Variants in MTMR2 observed in about 807,000 individuals in gnomAD.
MTMR2 encodes phosphatidylinositol-3,5-bisphosphate 3-phosphatase MTMR2.
MTMR2 carries 55 observed loss-of-function variants against 86.9 expected under a neutral mutation model. The observed-to-expected ratio is 0.63, with a 90% CI of 0.51 to 0.79. MTMR2 has a LOEUF of 0.79. Ranked by LOEUF, MTMR2 falls within the 30% of genes least tolerant of loss-of-function variation. MTMR2 has a pLI of 0.00. For missense variants in MTMR2, 659 were observed against 772.3 expected, an observed-to-expected ratio of 0.85 and a Z score of 1.74; for synonymous variants, 241 against 266.8, an observed-to-expected ratio of 0.90 and a Z score of 0.94.
intron 1 of MTMR2, among the ~76,000 whole-genome samples, chr11:95,888,827 A>G (rs763555453): frequency 6.6e-6 from 1 of 152,220 alleles, no homozygotes; most frequent in Non-Finnish European, 1.5e-5. Flanking sequence ...AAGACTTCTC[A>G]GAGGAGATGA....
chr11:95,923,466 G>A (rs544954785), intron 1 of MTMR2, among the ~76,000 whole-genome samples: 9 of 152,220 alleles, frequency 5.9e-5, no homozygotes, highest in Non-Finnish European at 1.3e-4. Flanking sequence ...GACATAAGAA[G>A]GGGTGGAGGA....
intron 2 of MTMR2, among the ~76,000 whole-genome samples, chr11:95,872,423 T>C (rs1438027836): frequency 2.0e-5 from 3 of 152,232 alleles, no homozygotes; most frequent in South Asian, 2.1e-4. Context: ...TTGTCTGTTA[T>C]TGGTGTATAA....
Position 95,888,261 on chromosome 11 carries a change from A to G in MTMR2, c.81T>C (p.Ser27=). The G allele has an allele frequency of 6.2e-7, 1 of 1,609,930 alleles. No homozygotes were observed. The highest frequency in any genetic ancestry group is 8.5e-7 in the Non-Finnish European group (1 of 1,176,616). ...ARPPSVDSLS[S]ASTSHSENSV... is the part of the protein sequence containing the mutation. ...AATTCTCTGAATGAGAAGTGGAGGC[A>G]CTACAAAATACAAAAGTACAGTATG... Residue 27 remains serine, a splice_region_variant and synonymous_variant, in exon 2 of 15, where the codon AGT becomes AGC. Transcript: ENST00000346299.
intron 2 of MTMR2, among the ~76,000 whole-genome samples, chr11:95,868,031 C>T (rs777878166): frequency 5.3e-5 from 8 of 151,596 alleles, no homozygotes; most frequent in Admixed American, 2.6e-4. Context: ...CCTAGGAGGC[C>T]GAGGCGAGTG....
chr11:95,903,679 T>C (rs1032475687), intron 1 of MTMR2, among the ~76,000 whole-genome samples: 2 of 152,184 alleles, frequency 1.3e-5, no homozygotes, highest in African/African-American at 4.8e-5. Flanking sequence ...TCCTAGATGC[T>C]CTAACTTCCT....
intron 1 of MTMR2, among the ~76,000 whole-genome samples, chr11:95,916,395 T>C (rs1386011350): frequency 6.6e-6 from 1 of 151,824 alleles, no homozygotes; most frequent in African/African-American, 2.4e-5. Context: ...GCCAAAAAAG[T>C]ATCCTTCAAA....
chr11:95,898,616 G>A (rs1445891146), intron 1 of MTMR2, among the ~76,000 whole-genome samples: 2 of 152,078 alleles, frequency 1.3e-5, no homozygotes, highest in Non-Finnish European at 2.9e-5. Context: ...CTTGGGTGTT[G>A]TTTATATTAT....
chr11:95,865,439 C>T (rs1180449930), intron 3 of MTMR2, 162 bp downstream of exon 3: 4 of 727,512 alleles, frequency 5.5e-6, no homozygotes, highest in South Asian at 1.6e-5. Context: ...TCTAGGCTTA[C>T]GTTTGTAGAA....
intron 11 of MTMR2, 105 bp from the exon 12 acceptor site, chr11:95,841,814 AG>A (rs1863560261): frequency 5.5e-6 from 5 of 903,962 alleles, no homozygotes; most frequent in Non-Finnish European, 7.1e-6. Flanking sequence ...AAATTTTCAA[AG>A]TCGGGTGCTG....
At chr11:95,862,824 T>C (rs980101547) in intron 3 of MTMR2, among the ~76,000 whole-genome samples, 4 of 152,188 alleles carry the variant, frequency 2.6e-5, no homozygotes, top group African/African-American at 7.2e-5. Flanking sequence ...CCAAAACATA[T>C]GTTATTCCAC....
intron 2 of MTMR2, chr11:95,882,497 C>CTAAAGTAAAA (rs1865363531): frequency 6.9e-6 from 1 of 145,364 alleles, no homozygotes; most frequent in African/African-American, 2.6e-5. Context: ...GAGACTCCCT[C>CTAAAGTAAAA]TAAAATAAAA....
intron 7 of MTMR2, among the ~76,000 whole-genome samples, chr11:95,855,019 A>G (rs1864159123): frequency 6.6e-6 from 1 of 151,480 alleles, no homozygotes; most frequent in Non-Finnish European, 1.5e-5. Context: ...CATGTTGCCC[A>G]GGCTTGTCTT....
intron 1 of MTMR2, among the ~76,000 whole-genome samples, chr11:95,898,069 A>G (rs1030742401): frequency 6.6e-6 from 1 of 152,172 alleles, no homozygotes; most frequent in Non-Finnish European, 1.5e-5. Flanking sequence ...TCTTTCAAAT[A>G]CTACATATGG....
At chr11:95,857,278 T>A (rs1452081290) in intron 7 of MTMR2, among the ~76,000 whole-genome samples, 1 of 152,060 alleles carries the variant, frequency 6.6e-6, no homozygotes, top group Non-Finnish European at 1.5e-5. Flanking sequence ...GAAAGCATAG[T>A]GGACAGGAGG....
At chr11:95,870,006 A>C (rs1178390514) in intron 2 of MTMR2, among the ~76,000 whole-genome samples, 1 of 152,166 alleles carries the variant, frequency 6.6e-6, no homozygotes, top group Non-Finnish European at 1.5e-5. Context: ...AAACTCATAG[A>C]ATGTACACTT....
At chr11:95,840,855 C>T (rs749205723) in intron 12 of MTMR2, among the ~76,000 whole-genome samples, 17 of 152,102 alleles carry the variant, frequency 1.1e-4, no homozygotes, top group Non-Finnish European at 5.9e-5. Flanking sequence ...TAAATAAAAA[C>T]AATTCAGACT....
intron 5 of MTMR2, 102 bp downstream of exon 5, chr11:95,861,890 G>T: frequency 3.4e-6 from 3 of 892,776 alleles, no homozygotes; most frequent in South Asian, 3.1e-5. Flanking sequence ...TTTCTAATTG[G>T]AAATCCATTT....
intron 14 of MTMR2, among the ~76,000 whole-genome samples, chr11:95,835,858 A>G (rs1045464746): frequency 6.6e-6 from 1 of 152,072 alleles, no homozygotes; most frequent in Non-Finnish European, 1.5e-5. Context: ...TCCTAAAGCT[A>G]CTTTCTTCAG....
Position 95,835,374 on chromosome 11 carries a change from T to C in MTMR2, c.1848A>G (p.Arg616=). The change falls in exon 15 of 15, where the codon AGA becomes AGG. Residue 616 remains arginine, a synonymous_variant. Coordinates refer to ENST00000346299, the MANE Select transcript of MTMR2 (RefSeq NM_016156.6). ...ATGAGGTTGATCGGTTAGAAATCTC[T>C]CTCTGTAGTTCCTCTACTTTTTTCT... ...ELQKKVEELQ[R]EISNRSTSSS... 1 of 1,613,124 alleles carries C rather than the reference T, an allele frequency of 6.2e-7. No individual in the cohort carries two copies. The highest frequency in any genetic ancestry group is 8.5e-7 in the Non-Finnish European group (1 of 1,179,342).
Sources: allele counts gnomAD v4.1 joint callset (sites outside exome capture counted in the v4.1 genomes callset), GRCh38; gene constraint gnomAD v4.1.1; transcripts MANE v1.5; gene names NCBI Gene and HGNC (gene_info 2026-07-23, HGNC 2026-07-21).